Variants in MACC1 observed in about 807,000 individuals in gnomAD.
MACC1 encodes the protein MET transcriptional regulator MACC1.
A neutral mutation model predicts 70.7 loss-of-function variants in MACC1; 79 were observed. That is an observed-to-expected ratio of 1.12 (90% CI 0.93 to 1.35). MACC1 has a LOEUF of 1.35. Among genes scored for constraint, MACC1 ranks in the 40% most tolerant of loss-of-function variants. The probability of loss-of-function intolerance (pLI) is 0.00; values close to 1 mark genes in which losing one functional copy is unlikely to be tolerated. For synonymous variants in MACC1, 361 were observed against 347.2 expected (o/e 1.04, Z -0.44); for missense variants, 1,106 against 978.1 (o/e 1.13, Z -1.74).
At chr7:20,200,183 TA>T (rs1464546126) in intron 1 of MACC1, among the ~76,000 whole-genome samples, 3 of 151,958 alleles carry the variant, frequency 2.0e-5, no homozygotes, top group African/African-American at 7.3e-5. Flanking sequence ...GGAAAGGAAA[TA>T]CAGGGGCTAA....
chr7:20,177,976 C>A (rs1302522312), intron 1 of MACC1, among the ~76,000 whole-genome samples: 1 of 151,866 alleles, frequency 6.6e-6, no homozygotes, highest in Non-Finnish European at 1.5e-5. Context: ...ATCTCCATTA[C>A]CTTATTTTGT....
Position 20,161,635 on chromosome 7 carries a change from T to C in MACC1, c.115+113A>G, listed in dbSNP as rs563084686. ...AACTATTTCTATGATAAAAACAAGATTTTATAATTCTTTTCATCTTCCAGC... is the reference window on the plus strand; with the variant it reads ...AACTATTTCTATGATAAAAACAAGACTTTATAATTCTTTTCATCTTCCAGC... On this transcript the variant is annotated intron_variant, in intron 4 of 6. Transcript: ENST00000400331. The C allele has an allele frequency of 7.1e-5, 46 of 644,484 alleles. No individual in the cohort carries two copies. In the Admixed American group the frequency reaches 8.0e-4, roughly 11 times the overall value. 39.9% of individuals were successfully genotyped at this position (644,484 alleles called of 1,614,324 possible).
chr7:20,160,243 A>G lies in MACC1; in HGVS notation c.118T>C (p.Cys40Arg), dbSNP rs768033815. The change falls in exon 5 of 7, where the codon TGC becomes CGC. Residue 40 changes from cysteine (C) to arginine (R), a missense_variant and splice_region_variant. By Grantham distance (180) the Cys-to-Arg change is radical. Coordinates refer to ENST00000400331, the MANE Select transcript of MACC1 (RefSeq NM_182762.4). ...TTGTGAAGCAAGTCTGGGTCCTGGC[A>G]TTCTTGTTATTTAAGGAAAGACAAA... ...KLSKSCNITECQDPDLLHNWP... is the reference protein window; with the variant it reads ...KLSKSCNITERQDPDLLHNWP... 2 of 1,542,622 alleles carry G rather than the reference A, an allele frequency of 1.3e-6. No homozygotes were observed. Among genetic ancestry groups the G allele is most frequent in the South Asian group, 1.3e-5 (1 of 78,394 alleles).
intron 6 of MACC1, among the ~76,000 whole-genome samples, chr7:20,146,210 G>A (rs577101818): frequency 3.3e-5 from 5 of 150,796 alleles, no homozygotes; most frequent in South Asian, 4.2e-4. Flanking sequence ...CTGATTAATC[G>A]TCCAGGTCTC....
intron 1 of MACC1, among the ~76,000 whole-genome samples, chr7:20,177,473 G>C (rs1023202137): frequency 2.6e-5 from 4 of 152,002 alleles, no homozygotes; most frequent in Non-Finnish European, 4.4e-5. Context: ...TCAGGGCTTT[G>C]CTGTTAAACC....
At chr7:20,191,347 C>A (rs771367024) in intron 1 of MACC1, among the ~76,000 whole-genome samples, 4 of 152,206 alleles carry the variant, frequency 2.6e-5, no homozygotes, top group Non-Finnish European at 5.9e-5. Context: ...CACAGGAGGG[C>A]ATACCCATGT....
At chr7:20,145,056 A>G (rs1781868665) in intron 6 of MACC1, among the ~76,000 whole-genome samples, 1 of 152,194 alleles carries the variant, frequency 6.6e-6, no homozygotes, top group South Asian at 2.1e-4. Context: ...CATGTTCCAC[A>G]ACTCCAGTGA....
chr7:20,141,088 A>T lies in MACC1; in HGVS notation c.2417T>A (p.Val806Glu). ...CAAAGCTGACTGAAGGTCTTGTAAC[A>T]CATCTCTGTAGTTATTTCCATAGTG... The part of the protein sequence containing the change: ...SAHYGNNYRD[V>E]LQDLQSALDR... The change falls in exon 7 of 7, where the codon GTG becomes GAG. Residue 806 changes from valine to glutamate, a missense_variant. Coordinates refer to ENST00000400331, the MANE Select transcript of MACC1 (RefSeq NM_182762.4). The T allele has an allele frequency of 6.2e-7, 1 of 1,613,740 alleles. No homozygotes were observed. The highest frequency in any genetic ancestry group is 1.3e-5 in the African/African-American group (1 of 75,046).
intron 1 of MACC1, among the ~76,000 whole-genome samples, chr7:20,187,317 G>A (rs1782603754): frequency 6.6e-6 from 1 of 152,180 alleles, no homozygotes; most frequent in Non-Finnish European, 1.5e-5. Context: ...AAAACAGAGT[G>A]AAGAGGAAAC....
chr7:20,157,844 A>C (rs934176796), intron 5 of MACC1, among the ~76,000 whole-genome samples: 3 of 151,978 alleles, frequency 2.0e-5, no homozygotes, highest in Non-Finnish European at 2.9e-5. Flanking sequence ...ACAATGGCCA[A>C]GTTAGTTCTC....
intron 1 of MACC1, among the ~76,000 whole-genome samples, chr7:20,208,112 C>T (rs1782939685): frequency 6.6e-6 from 1 of 152,220 alleles, no homozygotes; most frequent in Admixed American, 6.5e-5. Context: ...TTCCTGAGGC[C>T]TCCCCAGCAT....
In MACC1 at chr7:20,193,605, G is replaced by A. The variant is rs529059489; in HGVS notation, c.-217-22827C>T. 2.0e-5 allele frequency among the ~76,000 whole-genome samples: 3 copies of A among 152,226 alleles called. No individual in the cohort carries two copies. In the East Asian group the frequency reaches 5.8e-4, roughly 29 times the overall value. On this transcript the variant is annotated intron_variant, in intron 1 of 6. Transcript: ENST00000400331. Reference sequence around the variant, plus strand: ...GAATTCAGCTTCTACGATCTTATAAGAGACACCCTGTCAAAGCTGTAGCTA... The same window carrying A: ...GAATTCAGCTTCTACGATCTTATAAAAGACACCCTGTCAAAGCTGTAGCTA...
intron 2 of MACC1, among the ~76,000 whole-genome samples, chr7:20,168,587 GTA>G (rs374149093): frequency 1.0e-3 from 152 of 152,330 alleles, no homozygotes; most frequent in Admixed American, 2.9e-3. Flanking sequence ...ACCTTTTACA[GTA>G]TGTTCAACAG....
intron 1 of MACC1, among the ~76,000 whole-genome samples, chr7:20,186,071 A>G (rs752005610): frequency 4.3e-4 from 65 of 152,244 alleles, no homozygotes; most frequent in Admixed American, 5.9e-4. Context: ...GAATAACTAC[A>G]GAATTATCGC....
rs1178758786 is a variant in MACC1 at position 20,158,737 on chromosome 7, T to C, written c.1624A>G (p.Thr542Ala). The C allele has an allele frequency of 6.2e-7, 1 of 1,613,990 alleles. No individual in the cohort carries two copies. Among genetic ancestry groups the C allele is most frequent in the Admixed American group, 1.7e-5 (1 of 59,992 alleles). Reference protein sequence around the residue: ...LSPKILVKYPTFQDKTLNFSN... With the variant: ...LSPKILVKYPAFQDKTLNFSN... ...AAGTTCAATGTTTTATCTTGAAATG[T>C]AGGATATTTAACAAGAATTTTTGGT... Residue 542 changes from threonine (T) to alanine (A), a missense_variant, in exon 5 of 7, where the codon ACA becomes GCA. Physicochemically the swap from Thr to Ala is moderately conservative, Grantham distance 58 (BLOSUM62 0). Coordinates refer to ENST00000400331, the MANE Select transcript of MACC1 (RefSeq NM_182762.4).
chr7:20,144,790 C>T (rs2128100283), intron 6 of MACC1, among the ~76,000 whole-genome samples: 1 of 151,836 alleles, frequency 6.6e-6, no homozygotes, highest in Middle Eastern at 3.4e-3. Flanking sequence ...TGGCAAAACA[C>T]ATGAGAGCAG....
intron 1 of MACC1, among the ~76,000 whole-genome samples, chr7:20,194,270 CAA>C (rs1266435468): frequency 2.0e-5 from 3 of 151,928 alleles, no homozygotes; most frequent in Non-Finnish European, 2.9e-5. Flanking sequence ...AAATTTTAAG[CAA>C]TAAAAAGAAA....
intron 1 of MACC1, among the ~76,000 whole-genome samples, chr7:20,185,338 G>A (rs1177065171): frequency 2.0e-5 from 3 of 151,992 alleles, no homozygotes; most frequent in Non-Finnish European, 2.9e-5. Context: ...TCAAAAATTG[G>A]CATTACAATT....
rs1445102291 is a variant in MACC1, at chr7:20,197,067, C to T, written c.-218+20232G>A. Among the ~76,000 whole-genome samples, 3 of 152,324 alleles carry T rather than the reference C, an allele frequency of 2.0e-5. No homozygotes were observed. In the East Asian group the frequency reaches 5.8e-4, roughly 29 times the overall value. On this transcript the variant is annotated intron_variant, in intron 1 of 6. Transcript: ENST00000400331. ...GAGTGACCAGGTCACCCCACCAGAACTCAAATTCCCTGATTTCTAGAAGTT... is the reference window on the plus strand; with the variant it reads ...GAGTGACCAGGTCACCCCACCAGAATTCAAATTCCCTGATTTCTAGAAGTT...
Sources: allele counts gnomAD v4.1 joint callset (sites outside exome capture counted in the v4.1 genomes callset), GRCh38; gene constraint gnomAD v4.1.1; transcripts MANE v1.5; gene names NCBI Gene and HGNC (gene_info 2026-07-23, HGNC 2026-07-21).